The following POU6F1 variants were observed in gnomAD, a reference collection of about 807,000 sequenced individuals.
POU6F1 encodes POU class 6 homeobox 1, also known as POU domain, class 6, transcription factor 1.
Under a neutral mutation model 28.9 loss-of-function variants are expected in POU6F1, and 9 were observed. That is an observed-to-expected ratio of 0.31 (90% CI 0.19 to 0.54). POU6F1 has a LOEUF of 0.54. POU6F1 is among the 20% of genes least tolerant of loss of function. The probability of loss-of-function intolerance (pLI) is 0.94; values close to 1 mark genes in which losing one functional copy is unlikely to be tolerated. For missense variants in POU6F1, 338 were observed against 426.1 expected (o/e 0.79, Z 1.82); for synonymous variants, 173 against 171.1 (o/e 1.01, Z -0.09).
At position 51,191,583 on chromosome 12, in the gene POU6F1, C is replaced by A. The variant is rs766245095; in HGVS notation, c.1490+13G>T. ...GAGCAGGCCCTAATCCTGTCTAGGG[C>A]AGCCTTACTCACCGGCAGATGGCTG... is the stretch of plus-strand genomic sequence containing the variant. On this transcript the variant is annotated intron_variant, in intron 10 of 10. Coordinates refer to ENST00000333640, the MANE Select transcript of POU6F1 (RefSeq NM_001330422.2). 1.2e-6 allele frequency: 2 copies of A among 1,611,282 alleles called. No individual in the cohort carries two copies. Among genetic ancestry groups the A allele is most frequent in the Admixed American group, 3.3e-5 (2 of 59,994 alleles).
chr12:51,213,637 G>A (rs1222284310), intron 1 of POU6F1, among the ~76,000 whole-genome samples: 1 of 151,788 alleles, frequency 6.6e-6, no homozygotes, highest in East Asian at 2.0e-4. Flanking sequence ...AGGTTCAAAC[G>A]ATTCTCCTGC....
chr12:51,198,474 G>T, intron 5 of POU6F1, 76 bp downstream of exon 5: 1 of 398,622 alleles, frequency 2.5e-6, no homozygotes, highest in South Asian at 1.3e-4. Context: ...TTCTGAGTCC[G>T]ACATGGCAAG....
chr12:51,192,515 C>T lies in POU6F1; in HGVS notation c.1180-44G>A, dbSNP rs372558365. The T allele has an allele frequency of 5.6e-6, 9 of 1,596,590 alleles. No individual in the cohort carries two copies. The East Asian group carries it at 6.7e-5, about 12-fold the overall frequency. ...CAAGCCTTTGCTGCCCTCTGCCAGG[C>T]TCAGGGAGTTAAAATCCCTGGGTGG... On this transcript the variant is annotated intron_variant, in intron 8 of 10. Coordinates refer to ENST00000333640, the MANE Select transcript of POU6F1 (RefSeq NM_001330422.2).
intron 1 of POU6F1, among the ~76,000 whole-genome samples, chr12:51,213,809 G>A (rs1269347068): frequency 6.6e-6 from 1 of 151,710 alleles, no homozygotes; most frequent in Non-Finnish European, 1.5e-5. Context: ...TGGGATTACA[G>A]GCGTGAGCCA....
rs1485372311 is a variant in POU6F1, at chr12:51,199,339, G to C, written c.366+408C>G. On this transcript the variant is annotated intron_variant, in intron 4 of 10. Coordinates refer to ENST00000333640, the MANE Select transcript of POU6F1 (RefSeq NM_001330422.2). The surrounding 1 kb of genome is among the most constrained non-coding windows in gnomAD (Gnocchi z 4.1). ...GAGCTCTGCCTGCCTGCAGGATCCT[G>C]AAGGCAGCCTCTCATGGTGCTGGGG... Among the ~76,000 whole-genome samples, 1 of 152,194 alleles carries C rather than the reference G, an allele frequency of 6.6e-6. No individual in the cohort carries two copies.
chr12:51,203,005 T>C (rs1356075136), intron 3 of POU6F1, among the ~76,000 whole-genome samples: 16 of 152,128 alleles, frequency 1.1e-4, no homozygotes, highest in East Asian at 3.9e-4. Context: ...TTTCCACCGC[T>C]CTAAGCTGGC....
intron 7 of POU6F1, 85 bp downstream of exon 7, chr12:51,196,714 T>C: frequency 1.3e-6 from 2 of 1,506,308 alleles, no homozygotes; most frequent in South Asian, 1.2e-5. Context: ...CGAGTTTCTA[T>C]GACCCACAGC....
chr12:51,197,823 T>A lies in POU6F1; in HGVS notation c.793A>T (p.Thr265Ser), dbSNP rs1208079663. 6 of 323,958 alleles carry A rather than the reference T, an allele frequency of 1.9e-5. No homozygotes were observed. Among genetic ancestry groups the A allele is most frequent in the Non-Finnish European group, 3.3e-5 (6 of 183,056 alleles). The allele number at this position is 323,958 out of a possible 1,614,324, so 20.1% of individuals were successfully genotyped here. ...GGCTGGACGGTGATCTGTGGGGGGGTGTCCACTGGCTTGGGGGTAGGGGCA... is the reference window on the plus strand; with the variant it reads ...GGCTGGACGGTGATCTGTGGGGGGGAGTCCACTGGCTTGGGGGTAGGGGCA... ...AAAPTPKPVDTPPQITVQPAG... is the reference protein window; with the variant it reads ...AAAPTPKPVDSPPQITVQPAG... The change falls in exon 6 of 11, where the codon ACC becomes TCC. Residue 265 changes from threonine to serine, a missense_variant. Physicochemically the swap from Thr to Ser is moderately conservative, Grantham distance 58 (BLOSUM62 1). This residue lies in a region of POU6F1 where 206 missense variants were observed against 225.6 expected (regional missense o/e 0.91). Coordinates refer to ENST00000333640, the MANE Select transcript of POU6F1 (RefSeq NM_001330422.2).
chr12:51,199,608 G>A lies in POU6F1; in HGVS notation c.366+139C>T. ...GTGAGGCTGGATGTGCCTAGTGGGA[G>A]AGTCCCTCCCTCAAGCCATAGCCCC... On this transcript the variant is annotated intron_variant, in intron 4 of 10. Transcript: ENST00000333640. This position sits in a 1 kb window ranked among gnomAD's most constrained non-coding sequence, Gnocchi z 4.1. The A allele has an allele frequency of 2.5e-6, 1 of 398,148 alleles. No homozygotes were observed. The highest frequency in any genetic ancestry group is 3.6e-5 in the East Asian group (1 of 28,066). The allele number at this position is 398,148 out of a possible 1,614,324, so 24.7% of individuals were successfully genotyped here.
In POU6F1 at chr12:51,196,912, G is replaced by C. The variant is rs551943884; in HGVS notation, c.862C>G (p.Leu288Val). The C allele has an allele frequency of 3.8e-6, 6 of 1,592,580 alleles. No individual in the cohort carries two copies. In the Admixed American group the frequency reaches 8.4e-5, roughly 22 times the overall value. Residue 288 changes from leucine (L) to valine (V), a missense_variant, in exon 7 of 11, where the codon CTC becomes GTC. Physicochemically the swap from Leu to Val is conservative, Grantham distance 32. This residue lies in a region of POU6F1 where 206 missense variants were observed against 225.6 expected (regional missense o/e 0.91). Transcript: ENST00000333640. ...FSPGIISAAS[L>V]GGQTQILGSL... is the part of the protein sequence containing the mutation. ...CCCAGGATCTGGGTCTGTCCCCCGA[G>C]GGAAGCAGCACTGATCTGTGGGTGG...
intron 5 of POU6F1, 196 bp from the exon 6 acceptor site, chr12:51,198,219 A>G: frequency 2.5e-6 from 1 of 396,904 alleles, no homozygotes; most frequent in Non-Finnish European, 4.4e-6. Context: ...TGGGGCCAGG[A>G]GATGTGTAGG....
At chr12:51,194,089 T>C (rs11169757) in intron 8 of POU6F1, among the ~76,000 whole-genome samples, 81,700 of 151,902 alleles carry the variant, frequency 0.54, 23,576 homozygotes, top group East Asian at 0.77. Context: ...TGCAGTAGCA[T>C]GATCTCGGCT....
rs1944245041 is a variant in POU6F1, at chr12:51,215,571, A to AG, written c.-48+2070_-48+2071insC. On this transcript the variant is annotated intron_variant, in intron 1 of 10. Coordinates refer to ENST00000333640, the MANE Select transcript of POU6F1 (RefSeq NM_001330422.2). ...ACCCTGTCTCAAAAAAAAAAAAAAA[A>AG]AAAAAAGAGAGATTTCCAAGGTGTA... 3.3e-5 allele frequency among the ~76,000 whole-genome samples: 5 copies of AG among 151,148 alleles called. No individual in the cohort carries two copies. The South Asian group carries it at 8.4e-4, about 25-fold the overall frequency.
At chr12:51,210,632 C>T (rs1288713412) in intron 1 of POU6F1, among the ~76,000 whole-genome samples, 1 of 152,162 alleles carries the variant, frequency 6.6e-6, no homozygotes, top group Admixed American at 6.5e-5. Context: ...TTGGGTGATT[C>T]TGATATCCCT....
Position 51,190,175 on chromosome 12 carries a change from C to G in POU6F1, c.*72G>C. The G allele has an allele frequency of 6.4e-7, 1 of 1,553,898 alleles. No individual in the cohort carries two copies. The highest frequency in any genetic ancestry group is 8.7e-7 in the Non-Finnish European group (1 of 1,151,686). On this transcript the variant is annotated 3_prime_UTR_variant, in exon 11 of 11. Coordinates refer to ENST00000333640, the MANE Select transcript of POU6F1 (RefSeq NM_001330422.2). This position sits in a 1 kb window ranked among gnomAD's most constrained non-coding sequence, Gnocchi z 4.5. ...CACGTGGCAAAATGACAGGTGCTGT[C>G]ATGGCAGTGGCTGCAGCCGGATGCC... is the stretch of plus-strand genomic sequence containing the variant.
chr12:51,201,783 G>A (rs1356701319), intron 3 of POU6F1: 1 of 151,756 alleles, frequency 6.6e-6, no homozygotes, highest in African/African-American at 2.4e-5. Context: ...CTGCAAGACT[G>A]TACAGAAAGA....
At chr12:51,214,391 C>T (rs890769329) in intron 1 of POU6F1, among the ~76,000 whole-genome samples, 30 of 152,172 alleles carry the variant, frequency 2.0e-4, no homozygotes, top group African/African-American at 7.0e-4. Context: ...CGACCTGCCC[C>T]GGACCCCATC....
chr12:51,195,528 A>G (rs1275745145), intron 8 of POU6F1, among the ~76,000 whole-genome samples: 1 of 152,164 alleles, frequency 6.6e-6, no homozygotes, highest in Non-Finnish European at 1.5e-5. Flanking sequence ...GGCACTAAAT[A>G]AATACTCCTA....
chr12:51,196,112 T>C lies in POU6F1; in HGVS notation c.1037A>G (p.Gln346Arg), dbSNP rs1942804571. 3 of 1,590,998 alleles carry C rather than the reference T, an allele frequency of 1.9e-6. No homozygotes were observed. The highest frequency in any genetic ancestry group is 2.6e-6 in the Non-Finnish European group (3 of 1,169,520). Reference protein sequence around the residue: ...SASVAAPAPAQSLQVQAVTPQ... With the variant: ...SASVAAPAPARSLQVQAVTPQ... ...GGTCACGGCCTGGACCTGCAGGCTT[T>C]GGGCTGGTGCTGGGGCCGCCACACT... The change falls in exon 8 of 11, where the codon CAA becomes CGA. Residue 346 changes from glutamine (Q) to arginine (R), a missense_variant. By Grantham distance (43) the Gln-to-Arg change is conservative. Around this residue, in one of 3 missense-constraint regions of POU6F1, gnomAD observed 206 missense variants for 225.6 expected, o/e 0.91. Transcript: ENST00000333640.
Sources: gnomAD v4.1 joint callset for allele counts (sites outside exome capture counted in the v4.1 genomes callset) on GRCh38, gnomAD v4.1.1 for gene constraint, gnomAD v4.1.1 regional missense constraint, Gnocchi (gnomAD v3.1) non-coding constraint, MANE v1.5 for transcripts, NCBI Gene and HGNC (gene_info 2026-07-23, HGNC 2026-07-21) for gene names.